UBR1: variants seen among roughly 807,000 people sequenced by gnomAD.
The protein encoded by UBR1 is E3 ubiquitin-protein ligase UBR1.
In UBR1, 102 loss-of-function variants were observed where a neutral mutation model predicts 242.1. That is an observed-to-expected ratio of 0.42 (90% CI 0.36 to 0.50). The LOEUF (loss-of-function observed/expected upper bound fraction) is 0.50. Ranked by LOEUF, UBR1 falls within the 20% of genes least tolerant of loss-of-function variation. The probability of loss-of-function intolerance (pLI) is 0.01; values close to 1 mark genes in which losing one functional copy is unlikely to be tolerated. For synonymous variants in UBR1, 675 were observed against 684.8 expected (o/e 0.99, Z 0.22); for missense variants, 1,772 against 2,101.8 (o/e 0.84, Z 3.07).
Position 42,943,800 on chromosome 15 carries a change from T to C in UBR1, c.*1529A>G, listed in dbSNP as rs748315879. On this transcript the variant is annotated 3_prime_UTR_variant, in exon 47 of 47. Coordinates refer to ENST00000290650, the MANE Select transcript of UBR1 (RefSeq NM_174916.3). Reference sequence around the variant, plus strand: ...TTTCCTGATCCTTACCTGTTATTGTTACAAATTGTTCACTAGACATGTATC... The same window carrying C: ...TTTCCTGATCCTTACCTGTTATTGTCACAAATTGTTCACTAGACATGTATC... 6.6e-6 allele frequency: 1 copy of C among 152,296 alleles called. No homozygotes were observed. Among genetic ancestry groups the C allele is most frequent in the South Asian group, 2.1e-4 (1 of 4,830 alleles). The allele number at this position is 152,296 out of a possible 1,614,324, so 9.4% of individuals were successfully genotyped here. A position where few individuals can be genotyped will look rare whatever the true frequency, so the allele number is the denominator to read the frequency against.
At chr15:42,948,140 A>T (rs1446596189) in intron 46 of UBR1, among the ~76,000 whole-genome samples, 1 of 152,202 alleles carries the variant, frequency 6.6e-6, no homozygotes, top group Non-Finnish European at 1.5e-5. Flanking sequence ...GCATATCTAC[A>T]TCTGATCTTT....
chr15:43,035,552 G>A (rs62020744), intron 19 of UBR1, among the ~76,000 whole-genome samples: 4 of 149,092 alleles, frequency 2.7e-5, no homozygotes, highest in East Asian at 3.9e-4. Context: ...AGTAGGTTGC[G>A]AAAATTTTCT....
At chr15:42,970,026 G>A (rs1054784916) in intron 40 of UBR1, among the ~76,000 whole-genome samples, 29 of 152,232 alleles carry the variant, frequency 1.9e-4, no homozygotes, top group African/African-American at 3.1e-4. Flanking sequence ...AAAAGAGCCC[G>A]TATAGCCAAG....
rs775717621 is a variant in UBR1, at chr15:43,003,851, T to C, written c.3495A>G (p.Ala1165=). 3 of 1,614,122 alleles carry C rather than the reference T, an allele frequency of 1.9e-6. No individual in the cohort carries two copies. The highest frequency in any genetic ancestry group is 2.5e-6 in the Non-Finnish European group (3 of 1,180,010). Residue 1165 remains alanine (A), a synonymous_variant, in exon 31 of 47, where the codon GCA becomes GCG. Transcript: ENST00000290650. ...GGACAACTTACTTCTGCCAGCACAC[T>C]GCGTGCATTACATGACCACAGCTTC... ...YTGSCGHVMH[A]VCWQKYFEAV...
Position 43,070,992 on chromosome 15 carries a change from T to C in UBR1, c.529-67A>G. 7 of 1,581,940 alleles carry C rather than the reference T, an allele frequency of 4.4e-6. No individual in the cohort carries two copies. The South Asian group carries it at 7.7e-5, about 18-fold the overall frequency. On this transcript the variant is annotated intron_variant, in intron 4 of 46. Transcript: ENST00000290650. The stretch of plus-strand genomic sequence containing the variant: ...ACAAATAAATGGATAAGGAAGGTAA[T>C]GTTAAGTTAAAATAATCACTTTGCT...
chr15:43,027,685 G>A, intron 22 of UBR1, 91 bp downstream of exon 22: 1 of 1,216,368 alleles, frequency 8.2e-7, no homozygotes, highest in South Asian at 1.2e-5. Context: ...GGGAGTTCAG[G>A]CAAGAACTTC....
At position 42,998,158 on chromosome 15, in the gene UBR1, T is replaced by G; in HGVS notation, c.3757+10A>C. 1 of 1,607,192 alleles carries G rather than the reference T, an allele frequency of 6.2e-7. No homozygotes were observed. The highest frequency in any genetic ancestry group is 1.1e-5 in the South Asian group (1 of 90,544). ...TTCACATAGCTAATATAAAATAAAT[T>G]TAAGCAAACCTTTAGCATGTCTTAT... On this transcript the variant is annotated intron_variant, in intron 33 of 46. Coordinates refer to ENST00000290650, the MANE Select transcript of UBR1 (RefSeq NM_174916.3).
Position 42,945,425 on chromosome 15 carries a change from G to T in UBR1, c.5154C>A (p.Leu1718=). Residue 1718 remains leucine (L), a synonymous_variant, in exon 47 of 47, where the codon CTC becomes CTA. Transcript: ENST00000290650. Reference sequence around the variant, plus strand: ...TGCAGTGTTGTTGCCAGACCAAATGGAGCTTCCGATACCGCTCACGAGATA... The same window carrying T: ...TGCAGTGTTGTTGCCAGACCAAATGTAGCTTCCGATACCGCTCACGAGATA... ...LHLSRERYRK[L]HLVWQQHCII... 6.2e-7 allele frequency: 1 copy of T among 1,614,080 alleles called. No individual in the cohort carries two copies. The highest frequency in any genetic ancestry group is 1.1e-5 in the South Asian group (1 of 91,076).
intron 1 of UBR1, among the ~76,000 whole-genome samples, chr15:43,098,553 A>G (rs958219339): frequency 6.6e-6 from 1 of 152,150 alleles, no homozygotes; most frequent in African/African-American, 2.4e-5. Flanking sequence ...GTATCTATCC[A>G]GACACACTCT....
intron 12 of UBR1, among the ~76,000 whole-genome samples, chr15:43,050,488 T>A (rs911885357): frequency 6.6e-6 from 1 of 152,092 alleles, no homozygotes; most frequent in South Asian, 2.1e-4. Context: ...GGTGGGCAGA[T>A]TGCCTGAGCT....
intron 37 of UBR1, among the ~76,000 whole-genome samples, chr15:42,979,479 G>A (rs993735941): frequency 6.6e-6 from 1 of 152,114 alleles, no homozygotes; most frequent in Non-Finnish European, 1.5e-5. Flanking sequence ...AGTGACAGGC[G>A]ACTTAACTTC....
At chr15:42,954,531 T>C (rs1460739833) in intron 44 of UBR1, among the ~76,000 whole-genome samples, 1 of 152,116 alleles carries the variant, frequency 6.6e-6, no homozygotes, top group Non-Finnish European at 1.5e-5. Flanking sequence ...AGGGCAGTGA[T>C]TCTCAGAGCG....
At chr15:43,011,623 A>C (rs755771874) in intron 29 of UBR1, among the ~76,000 whole-genome samples, 2 of 152,234 alleles carry the variant, frequency 1.3e-5, no homozygotes, top group Non-Finnish European at 2.9e-5. Flanking sequence ...TCAAGTACTG[A>C]AAATAGTTAA....
intron 31 of UBR1, chr15:43,003,433 T>C: frequency 3.7e-6 from 1 of 271,898 alleles, no homozygotes; most frequent in Non-Finnish European, 7.2e-6. Context: ...TTTTTGTATT[T>C]TTAGTAGAGA....
chr15:42,974,478 G>GT (rs1209171771), intron 39 of UBR1, among the ~76,000 whole-genome samples: 2 of 152,126 alleles, frequency 1.3e-5, no homozygotes, highest in Non-Finnish European at 2.9e-5. Flanking sequence ...TAGCTTTATA[G>GT]TAAGTCCTAA....
At chr15:42,991,615 A>T (rs1390135726) in intron 33 of UBR1, among the ~76,000 whole-genome samples, 1 of 151,980 alleles carries the variant, frequency 6.6e-6, no homozygotes, top group Non-Finnish European at 1.5e-5. Context: ...GAAAAAAAAA[A>T]TTGTCCCATA....
chr15:42,998,358 A>T, intron 32 of UBR1, 93 bp from the exon 33 acceptor site: 1 of 1,188,150 alleles, frequency 8.4e-7, no homozygotes, highest in Non-Finnish European at 1.2e-6. Flanking sequence ...AAATGGTCAT[A>T]TAAAAAAGTT....
Position 43,043,404 on chromosome 15 carries a change from A to G in UBR1, c.1669-9T>C. 6.2e-7 allele frequency: 1 copy of G among 1,613,746 alleles called. No individual in the cohort carries two copies. On this transcript the variant is annotated splice_polypyrimidine_tract_variant and intron_variant, in intron 14 of 46. Coordinates refer to ENST00000290650, the MANE Select transcript of UBR1 (RefSeq NM_174916.3). ...ACAAGTAAGAGTTCTTCCTAAGAGG[A>G]AAATAAGATACAAAAAGTTGACAAG...
intron 44 of UBR1, among the ~76,000 whole-genome samples, 160 bp downstream of exon 44, chr15:42,957,853 C>A (rs1300786783): frequency 6.6e-6 from 1 of 152,010 alleles, no homozygotes; most frequent in African/African-American, 2.4e-5. Flanking sequence ...GGCAACAGAG[C>A]AAGATCCTGT....
Sources: gnomAD v4.1 joint callset for allele counts (sites outside exome capture counted in the v4.1 genomes callset) on GRCh38, gnomAD v4.1.1 for gene constraint, MANE v1.5 for transcripts, NCBI Gene and HGNC (gene_info 2026-07-23, HGNC 2026-07-21) for gene names.